The following OLAH variants were observed in gnomAD, a reference collection of about 807,000 sequenced individuals.
OLAH encodes the protein S-acyl fatty acid synthase thioesterase, medium chain.
OLAH carries 33 observed loss-of-function variants against 27.8 expected under a neutral mutation model. The observed-to-expected ratio is 1.19, with a 90% CI of 0.90 to 1.59. The LOEUF is 1.59. OLAH is among the 40% of genes most tolerant of loss of function. The pLI, the probability that OLAH is intolerant of heterozygous loss-of-function variation, is 0.00. For missense variants in OLAH, 359 were observed against 310.8 expected, an observed-to-expected ratio of 1.16 and a Z score of -1.17; for synonymous variants, 120 against 102.9, an observed-to-expected ratio of 1.17 and a Z score of -1.01.
At chr10:15,040,417 C>A (rs1400930969), upstream of OLAH, among the ~76,000 whole-genome samples, 1 of 152,156 alleles carries the variant, frequency 6.6e-6, no homozygotes, top group Non-Finnish European at 1.5e-5. Flanking sequence ...TTTAGCCTTT[C>A]CAGTTGCTCC....
chr10:15,065,447 TTCC>T, intron 5 of OLAH, 134 bp from the exon 6 acceptor site: 1 of 849,898 alleles, frequency 1.2e-6, no homozygotes. Context: ...ACATAGTTCT[TTCC>T]TGAAGCCTAT....
intron 3 of OLAH, among the ~76,000 whole-genome samples, chr10:15,057,605 C>T (rs1333920630): frequency 6.6e-6 from 1 of 152,042 alleles, no homozygotes; most frequent in South Asian, 2.1e-4. Flanking sequence ...AGGCTGGACT[C>T]AAACTCCTGA....
chr10:15,056,880 C>A (rs1300447471), intron 3 of OLAH: 1 of 1,532,448 alleles, frequency 6.5e-7, no homozygotes, highest in East Asian at 2.5e-5. Context: ...CTCAAGTGAT[C>A]CTCCTGCTTC....
upstream of OLAH, chr10:15,043,815 A>G (rs940044384): frequency 1.3e-5 from 2 of 152,092 alleles, no homozygotes; most frequent in African/African-American, 2.4e-5. Context: ...TAGATGGTAC[A>G]TTGTGTCTCC....
chr10:15,042,849 C>CTTTTTTTT (rs67828197), upstream of OLAH, among the ~76,000 whole-genome samples: 7 of 60,626 alleles, frequency 1.2e-4, 1 homozygote, highest in African/African-American at 2.0e-4. Context: ...ACCCACGTGT[C>CTTTTTTTT]TTTTTTTTTT....
In OLAH at chr10:15,049,656, C is replaced by A. The variant is rs925734214; in HGVS notation, c.54C>A (p.Cys18Ter). The change falls in exon 3 of 8, where the codon TGC (cysteine) becomes TGA (stop). Residue 18 changes from cysteine (C) to a stop codon, truncating the protein, a stop_gained. Transcript: ENST00000378228. LOFTEE classifies it high-confidence loss of function. ...KRTRNENIFN[C>*]LYKNPEATFK... ...CTAGGAATGAAAACATTTTCAACTG[C>A]TTATACAAAAACCCTGAGGCAACTT... 1.3e-6 allele frequency: 2 copies of A among 1,597,950 alleles called. No homozygotes were observed. The highest frequency in any genetic ancestry group is 1.7e-6 in the Non-Finnish European group (2 of 1,174,790).
chr10:15,049,508 CA>C, intron 2 of OLAH, 126 bp from the exon 3 acceptor site: 4 of 591,032 alleles, frequency 6.8e-6, no homozygotes, highest in Non-Finnish European at 1.0e-5. Flanking sequence ...GAAAAATTTG[CA>C]ATCACTTTAT....
Position 15,071,855 on chromosome 10 carries a change from A to G in OLAH, c.633A>G (p.Glu211=), listed in dbSNP as rs752568398. 2 of 1,612,570 alleles carry G rather than the reference A, an allele frequency of 1.2e-6. No individual in the cohort carries two copies. The highest frequency in any genetic ancestry group is 3.3e-5 in the Admixed American group (2 of 60,022). The change falls in exon 7 of 8, where the codon GAA becomes GAG. Residue 211 remains glutamate, a synonymous_variant. Transcript: ENST00000378228. ...ACTTGACATGTTTTGTTGGATCTGA[A>G]GACATAGCAAAGGACATGGAAGGTG... is the stretch of plus-strand genomic sequence containing the variant. ...SCDLTCFVGS[E]DIAKDMEAWK... is the part of the protein sequence containing the mutation.
chr10:15,035,471 C>G (rs909765521), intron 1 of OLAH, among the ~76,000 whole-genome samples: 1 of 152,066 alleles, frequency 6.6e-6, no homozygotes, highest in African/African-American at 2.4e-5. Flanking sequence ...GGTCACACAG[C>G]GAAAGCAGGA....
At chr10:15,035,429 T>TGA (rs1471526263) in intron 1 of OLAH, among the ~76,000 whole-genome samples, 8 of 151,778 alleles carry the variant, frequency 5.3e-5, no homozygotes, top group African/African-American at 1.9e-4. Flanking sequence ...AAGCCTTGAC[T>TGA]CATGGGGGAA....
chr10:15,047,728 T>C (rs961187995), intron 2 of OLAH, among the ~76,000 whole-genome samples: 3 of 152,164 alleles, frequency 2.0e-5, no homozygotes, highest in African/African-American at 7.2e-5. Context: ...TAGTCTTTTT[T>C]GCCTTTATCT....
At chr10:15,049,147 A>T (rs1317253323) in intron 2 of OLAH, among the ~76,000 whole-genome samples, 1 of 146,672 alleles carries the variant, frequency 6.8e-6, no homozygotes, top group African/African-American at 2.5e-5. Context: ...AAAAAAAAAA[A>T]ATTAGAGGCA....
chr10:15,046,114 CGTGG>C (rs2131339069), intron 1 of OLAH, among the ~76,000 whole-genome samples: 2 of 150,310 alleles, frequency 1.3e-5, no homozygotes, highest in South Asian at 4.2e-4. Context: ...GGGAGGCTGA[CGTGG>C]GTGGATCACT....
At chr10:15,058,780 T>G (rs769624950) in intron 3 of OLAH, among the ~76,000 whole-genome samples, 64 of 152,356 alleles carry the variant, frequency 4.2e-4, no homozygotes, top group Non-Finnish European at 8.1e-4. Context: ...CATTGAATTC[T>G]CGTGGGTTTT....
At chr10:15,058,537 A>G (rs1844290833) in intron 3 of OLAH, among the ~76,000 whole-genome samples, 1 of 152,138 alleles carries the variant, frequency 6.6e-6, no homozygotes, top group Admixed American at 6.5e-5. Context: ...TTTTCTACTT[A>G]TCAATTTTGT....
Position 15,044,591 on chromosome 10 carries a change from G to T in OLAH, c.-164+605G>T, listed in dbSNP as rs368668943. Among the ~76,000 whole-genome samples the T allele has an allele frequency of 4.0e-5, 6 of 151,564 alleles. No homozygotes were observed. The South Asian group carries it at 1.0e-3, about 26-fold the overall frequency. ...TTCCATCTGGGATCATTTACTTTCT[G>T]CTCAAAGTATATCCTTTAACGTTTC... On this transcript the variant is annotated intron_variant, in intron 1 of 7. Coordinates refer to ENST00000378228, the MANE Select transcript of OLAH (RefSeq NM_001039702.3).
intron 3 of OLAH, among the ~76,000 whole-genome samples, chr10:15,055,201 A>G (rs1221344146): frequency 6.6e-6 from 1 of 152,150 alleles, no homozygotes; most frequent in East Asian, 1.9e-4. Context: ...TATACTTTCT[A>G]TATTCTGTAT....
intron 5 of OLAH, among the ~76,000 whole-genome samples, chr10:15,065,060 C>T (rs1367066689): frequency 6.6e-6 from 1 of 152,226 alleles, no homozygotes; most frequent in African/African-American, 2.4e-5. Context: ...CTCTGTTTCC[C>T]TGAAATGCAC....
chr10:15,060,263 A>G (rs1259542575), intron 3 of OLAH, among the ~76,000 whole-genome samples: 1 of 152,046 alleles, frequency 6.6e-6, no homozygotes, highest in African/African-American at 2.4e-5. Flanking sequence ...TCTGCCTCCC[A>G]GGCTCAAGTG....
Sources: allele counts gnomAD v4.1 joint callset (sites outside exome capture counted in the v4.1 genomes callset), GRCh38; gene constraint gnomAD v4.1.1; transcripts MANE v1.5; gene names NCBI Gene and HGNC (gene_info 2026-07-23, HGNC 2026-07-21).